The following AGAP1 variants were observed in gnomAD, a reference collection of about 807,000 sequenced individuals.
AGAP1 encodes the protein arf-GAP with GTPase, ANK repeat and PH domain-containing protein 1.
In AGAP1, 29 loss-of-function variants were observed where a neutral mutation model predicts 105.3. That is an observed-to-expected ratio of 0.28 (90% confidence interval 0.21 to 0.38). The LOEUF is 0.38. AGAP1 is among the 10% of genes least tolerant of loss of function. The pLI, the probability that AGAP1 is intolerant of heterozygous loss-of-function variation, is 1.00. For missense variants in AGAP1, 998 were observed against 1,165.1 expected, an observed-to-expected ratio of 0.86 and a Z score of 2.09; for synonymous variants, 509 against 485.9, an observed-to-expected ratio of 1.05 and a Z score of -0.63.
chr2:236,035,634 C>A lies in AGAP1; in HGVS notation c.1646-927C>A, dbSNP rs748133660. Reference sequence around the variant, plus strand: ...GTGGGACTCCATCTCAAAAACAGTTCTTCGTGGTTGTATGCAATTAGTTAT... The same window carrying A: ...GTGGGACTCCATCTCAAAAACAGTTATTCGTGGTTGTATGCAATTAGTTAT... On this transcript the variant is annotated intron_variant, in intron 13 of 17. Coordinates refer to ENST00000304032, the MANE Select transcript of AGAP1 (RefSeq NM_001037131.3). This position sits in a 1 kb window ranked among gnomAD's most constrained non-coding sequence, Gnocchi z 4.2. 6.6e-6 allele frequency among the ~76,000 whole-genome samples: 1 copy of A among 152,148 alleles called. No homozygotes were observed. The highest frequency in any genetic ancestry group is 1.5e-5 in the Non-Finnish European group (1 of 68,024).
chr2:236,008,724 A>G (rs1462748336), intron 13 of AGAP1, among the ~76,000 whole-genome samples: 1 of 152,194 alleles, frequency 6.6e-6, no homozygotes, highest in Non-Finnish European at 1.5e-5. Flanking sequence ...ACGTTAGCCC[A>G]CTATGTAGAA....
chr2:235,835,156 T>C (rs916979311), intron 9 of AGAP1, among the ~76,000 whole-genome samples: 4 of 152,180 alleles, frequency 2.6e-5, no homozygotes, highest in African/African-American at 9.7e-5. Context: ...GGCATGCGTT[T>C]CCCACGCTGA....
chr2:235,928,945 C>T (rs1029776170), intron 11 of AGAP1, among the ~76,000 whole-genome samples: 1 of 152,222 alleles, frequency 6.6e-6, no homozygotes, highest in African/African-American at 2.4e-5. Flanking sequence ...AGCATGGGAG[C>T]ACCACATGGC....
chr2:235,909,914 G>A (rs1049284624), intron 11 of AGAP1, among the ~76,000 whole-genome samples: 15 of 152,106 alleles, frequency 9.9e-5, no homozygotes, highest in Non-Finnish European at 1.9e-4. Flanking sequence ...TCAGCTACTT[G>A]GGAGGCTGAG....
At chr2:236,091,129 C>T (rs993668638) in intron 16 of AGAP1, among the ~76,000 whole-genome samples, 6 of 152,222 alleles carry the variant, frequency 3.9e-5, no homozygotes, top group East Asian at 3.9e-4. Flanking sequence ...CACGTGCATG[C>T]GTGTTTGCAT....
At position 235,611,429 on chromosome 2, in the gene AGAP1, AAGG is replaced by A. The variant is rs1946120707; in HGVS notation, c.164-97747_164-97745del. On this transcript the variant is annotated intron_variant, in intron 1 of 17. Transcript: ENST00000304032. This position sits in a 1 kb window ranked among gnomAD's most constrained non-coding sequence, Gnocchi z 5.0. ...ATTTTCATAATGAATAGTTATTGTG[AAGG>A]AGCTGATTTTTGGAGGAGTGGTTTG... Among the ~76,000 whole-genome samples the A allele has an allele frequency of 1.3e-5, 2 of 152,218 alleles. No homozygotes were observed. The highest frequency in any genetic ancestry group is 4.8e-5 in the African/African-American group (2 of 41,454).
intron 1 of AGAP1, among the ~76,000 whole-genome samples, chr2:235,529,382 T>C (rs986025620): frequency 6.6e-6 from 1 of 152,240 alleles, no homozygotes; most frequent in Non-Finnish European, 1.5e-5. Context: ...CATGCTGTCA[T>C]TGCCATTGTA....
At position 236,001,349 on chromosome 2, in the gene AGAP1, G is replaced by C. The variant is rs534573341; in HGVS notation, c.1645+32726G>C. Among the ~76,000 whole-genome samples, 1 of 152,324 alleles carries C rather than the reference G, an allele frequency of 6.6e-6. No homozygotes were observed. Among genetic ancestry groups the C allele is most frequent in the East Asian group, 1.9e-4 (1 of 5,174 alleles). On this transcript the variant is annotated intron_variant, in intron 13 of 17. Transcript: ENST00000304032. The surrounding 1 kb of genome is among the most constrained non-coding windows in gnomAD (Gnocchi z 4.7). Reference sequence around the variant, plus strand: ...ACCCAGCGTGCGGTGCATTGTGGCAGGTGCAGGCCGCTAGTGCCCCCCACC... The same window carrying C: ...ACCCAGCGTGCGGTGCATTGTGGCACGTGCAGGCCGCTAGTGCCCCCCACC...
chr2:236,068,006 T>C (rs558245424), intron 16 of AGAP1, among the ~76,000 whole-genome samples: 130 of 152,300 alleles, frequency 8.5e-4, no homozygotes, highest in Non-Finnish European at 1.5e-3. Flanking sequence ...GTGTGGTGGC[T>C]CACACCTGTA....
At chr2:235,873,852 C>T (rs972132881) in intron 9 of AGAP1, among the ~76,000 whole-genome samples, 7 of 152,090 alleles carry the variant, frequency 4.6e-5, no homozygotes, top group East Asian at 1.9e-4. Flanking sequence ...CTCAGCTTCC[C>T]GGGTAGCTGG....
At chr2:235,837,361 C>T (rs887356889) in intron 9 of AGAP1, among the ~76,000 whole-genome samples, 14 of 152,156 alleles carry the variant, frequency 9.2e-5, no homozygotes, top group Non-Finnish European at 2.1e-4. Flanking sequence ...TGAGTACTTT[C>T]CTGAGAGGGA....
chr2:235,853,894 GTCAT>G (rs1370119719), intron 9 of AGAP1, among the ~76,000 whole-genome samples: 1 of 151,926 alleles, frequency 6.6e-6, no homozygotes, highest in Admixed American at 6.6e-5. Flanking sequence ...ACAGTCCCTA[GTCAT>G]TCATTGCAGA....
intron 1 of AGAP1, among the ~76,000 whole-genome samples, chr2:235,540,324 G>A (rs766694380): frequency 6.6e-6 from 1 of 151,924 alleles, no homozygotes; most frequent in Non-Finnish European, 1.5e-5. Flanking sequence ...GCTAATTTTT[G>A]TATTTTTAGT....
At chr2:235,670,951 G>C in intron 1 of AGAP1, 1 of 1,317,158 alleles carries the variant, frequency 7.6e-7, no homozygotes, top group South Asian at 2.2e-5. Context: ...GCGGGCCCTC[G>C]CCACGGAGCG....
intron 1 of AGAP1, among the ~76,000 whole-genome samples, chr2:235,674,969 C>T: frequency 6.6e-6 from 1 of 151,712 alleles, no homozygotes; most frequent in East Asian, 1.9e-4. Context: ...AGCCACCACA[C>T]CTGTGGTTTT....
At chr2:236,054,051 GGA>G (rs1400667835) in intron 16 of AGAP1, among the ~76,000 whole-genome samples, 3 of 152,148 alleles carry the variant, frequency 2.0e-5, no homozygotes, top group Admixed American at 6.5e-5. Context: ...AATCCACGTG[GGA>G]GAGACTGGCC....
At chr2:235,920,599 G>A (rs921642599) in intron 11 of AGAP1, among the ~76,000 whole-genome samples, 2 of 152,196 alleles carry the variant, frequency 1.3e-5, no homozygotes, top group African/African-American at 4.8e-5. Context: ...GATGGTGGGT[G>A]TTCAGTAAGT....
At chr2:235,554,583 T>C (rs1342629267) in intron 1 of AGAP1, among the ~76,000 whole-genome samples, 1 of 152,246 alleles carries the variant, frequency 6.6e-6, no homozygotes, top group East Asian at 1.9e-4. Context: ...CGCCTGTGGT[T>C]GGAGGTTCCA....
rs1294838775 is a variant in AGAP1, at chr2:236,119,354, T to C, written c.2115-838T>C. Among the ~76,000 whole-genome samples, 1 of 152,186 alleles carries C rather than the reference T, an allele frequency of 6.6e-6. No homozygotes were observed. Among genetic ancestry groups the C allele is most frequent in the African/African-American group, 2.4e-5 (1 of 41,448 alleles). ...ATTCCTGACATTCTGTCCTTTCCAC[T>C]TAAGCCTTCCCCAAGTATCTGGAGA... On this transcript the variant is annotated intron_variant, in intron 16 of 17. Coordinates refer to ENST00000304032, the MANE Select transcript of AGAP1 (RefSeq NM_001037131.3). This position sits in a 1 kb window ranked among gnomAD's most constrained non-coding sequence, Gnocchi z 6.6.
Sources: allele counts gnomAD v4.1 joint callset (sites outside exome capture counted in the v4.1 genomes callset), GRCh38; gene constraint gnomAD v4.1.1; non-coding constraint Gnocchi (gnomAD v3.1); transcripts MANE v1.5; gene names NCBI Gene and HGNC (gene_info 2026-07-23, HGNC 2026-07-21).